The following EBF2 variants were observed in gnomAD, a reference collection of about 807,000 sequenced individuals.
The protein encoded by EBF2 is transcription factor COE2.
In EBF2, 21 loss-of-function variants were observed where a neutral mutation model predicts 72.8. The ratio of observed to expected loss-of-function variants is 0.29; its 90% CI spans 0.20 to 0.42. The LOEUF is 0.42. Among genes scored for constraint, EBF2 ranks in the 10% least tolerant of loss-of-function variants. The pLI is 1.00. For synonymous variants in EBF2, 299 were observed against 274.2 expected, an observed-to-expected ratio of 1.09 and a Z score of -0.89; for missense variants, 637 against 731.2, an observed-to-expected ratio of 0.87 and a Z score of 1.49.
At chr8:25,862,923 C>A in intron 10 of EBF2, 126 bp from the exon 11 acceptor site, 1 of 457,960 alleles carries the variant, frequency 2.2e-6, no homozygotes, top group Non-Finnish European at 3.6e-6. Context: ...AGGGTTTTTG[C>A]TATCGACATT....
At chr8:25,997,700 A>G (rs1218852507) in intron 6 of EBF2, among the ~76,000 whole-genome samples, 1 of 152,198 alleles carries the variant, frequency 6.6e-6, no homozygotes, top group Non-Finnish European at 1.5e-5. Flanking sequence ...ATCATTAACT[A>G]TAGTTTCAGT....
rs549891694 is a variant in EBF2 at position 25,955,153 on chromosome 8, A to G, written c.552-46598T>C. 5.3e-3 allele frequency among the ~76,000 whole-genome samples: 801 copies of G among 152,334 alleles called. 10 individuals carry two copies. The highest frequency in any genetic ancestry group is 0.018 in the African/African-American group (762 of 41,582). On this transcript the variant is annotated intron_variant, in intron 6 of 15. Coordinates refer to ENST00000520164, the MANE Select transcript of EBF2 (RefSeq NM_022659.4). ...GACAAGAGCATACCACTCTAGCGCC[A>G]CACTCCCCGGAGCCTGGCTGGGCCC...
At chr8:26,033,989 G>T (rs1054434182) in intron 5 of EBF2, among the ~76,000 whole-genome samples, 1 of 152,152 alleles carries the variant, frequency 6.6e-6, no homozygotes, top group African/African-American at 2.4e-5. Context: ...TATTAAGATG[G>T]ATAAGGTCAC....
At chr8:25,978,354 T>C (rs879457931) in intron 6 of EBF2, among the ~76,000 whole-genome samples, 8 of 152,212 alleles carry the variant, frequency 5.3e-5, no homozygotes, top group Non-Finnish European at 1.2e-4. Flanking sequence ...TTACGACTGC[T>C]AAATGCCTGC....
At chr8:25,950,326 T>C (rs1803840398) in intron 6 of EBF2, among the ~76,000 whole-genome samples, 1 of 152,222 alleles carries the variant, frequency 6.6e-6, no homozygotes, top group Admixed American at 6.5e-5. Context: ...TTTACACACT[T>C]TTATTAAAAG....
At chr8:25,983,537 T>A (rs6420157) in intron 6 of EBF2, among the ~76,000 whole-genome samples, 63,141 of 152,004 alleles carry the variant, frequency 0.42, 13,510 homozygotes, top group Middle Eastern at 0.51. Context: ...CCTGCCCTCA[T>A]CCCCAGCTGT....
At chr8:25,908,783 G>T (rs1803081402) in intron 6 of EBF2, among the ~76,000 whole-genome samples, 1 of 152,194 alleles carries the variant, frequency 6.6e-6, no homozygotes, top group Non-Finnish European at 1.5e-5. Context: ...GGATTGTTAA[G>T]TGGTTCACAA....
At chr8:26,042,326 C>T in intron 1 of EBF2, 75 bp from the exon 2 acceptor site, 1 of 1,522,680 alleles carries the variant, frequency 6.6e-7, no homozygotes, top group South Asian at 1.2e-5. Context: ...CCGCCCACAA[C>T]ACTGCAGAGG....
intron 6 of EBF2, among the ~76,000 whole-genome samples, chr8:25,991,597 G>A (rs950555772): frequency 5.9e-5 from 9 of 152,192 alleles, no homozygotes; most frequent in African/African-American, 1.7e-4. Flanking sequence ...TGTAACCTCA[G>A]CACTTTGGGA....
Position 26,030,380 on chromosome 8 carries a change from A to T in EBF2, c.551+2705T>A, listed in dbSNP as rs575507616. Among the ~76,000 whole-genome samples the T allele has an allele frequency of 2.4e-4, 36 of 151,942 alleles. 1 individual carries two copies. Among genetic ancestry groups the T allele is most frequent in the South Asian group, 6.2e-4 (3 of 4,802 alleles). On this transcript the variant is annotated intron_variant, in intron 6 of 15. Coordinates refer to ENST00000520164, the MANE Select transcript of EBF2 (RefSeq NM_022659.4). ...CATCCATGTCCCTACAAAGGACATG[A>T]ACTCATCATACAGGAAGGAGAACAT...
intron 6 of EBF2, among the ~76,000 whole-genome samples, chr8:25,935,497 C>T (rs919064010): frequency 2.0e-5 from 3 of 152,162 alleles, no homozygotes; most frequent in African/African-American, 7.2e-5. Flanking sequence ...CAATGAGAAA[C>T]GGCATCTGCT....
At chr8:25,982,995 T>TA (rs1049564863) in intron 6 of EBF2, among the ~76,000 whole-genome samples, 6 of 151,952 alleles carry the variant, frequency 3.9e-5, no homozygotes, top group African/African-American at 1.2e-4. Context: ...AATTCTCTGG[T>TA]AAAAAATAAG....
chr8:25,878,282 A>G (rs1405236327), intron 10 of EBF2, among the ~76,000 whole-genome samples: 2 of 152,184 alleles, frequency 1.3e-5, no homozygotes, highest in Non-Finnish European at 1.5e-5. Context: ...GGCCTATAGC[A>G]GCCTAGGAGC....
At chr8:26,032,841 T>A (rs1805431873) in intron 6 of EBF2, 2 of 523,200 alleles carry the variant, frequency 3.8e-6, no homozygotes, top group African/African-American at 3.8e-5. Context: ...ACATACTACT[T>A]ATTAGGCTGA....
chr8:25,976,018 G>A (rs1353144041), intron 6 of EBF2, among the ~76,000 whole-genome samples: 3 of 152,126 alleles, frequency 2.0e-5, no homozygotes, highest in East Asian at 1.9e-4. Flanking sequence ...AGCCAGAAAC[G>A]TCCACAGAGA....
chr8:26,010,594 G>A (rs1420239469), intron 6 of EBF2, among the ~76,000 whole-genome samples: 2 of 152,198 alleles, frequency 1.3e-5, no homozygotes, highest in East Asian at 1.9e-4. Flanking sequence ...GAGCACAATC[G>A]TGACAGCTGC....
chr8:25,915,251 G>A (rs1172991408), intron 6 of EBF2, among the ~76,000 whole-genome samples: 1 of 151,808 alleles, frequency 6.6e-6, no homozygotes, highest in Non-Finnish European at 1.5e-5. Flanking sequence ...TTAGCAAAAT[G>A]CTGGTCTGTT....
intron 6 of EBF2, among the ~76,000 whole-genome samples, chr8:26,013,776 T>C (rs1393691752): frequency 2.6e-5 from 4 of 152,136 alleles, no homozygotes; most frequent in African/African-American, 7.2e-5. Context: ...CTTGTCGATA[T>C]GAAATCAGAC....
chr8:25,879,772 C>G (rs1802578201), intron 10 of EBF2, among the ~76,000 whole-genome samples: 3 of 152,130 alleles, frequency 2.0e-5, no homozygotes, highest in Non-Finnish European at 4.4e-5. Flanking sequence ...TCATCTGGTC[C>G]TATGGCTTTA....
Sources: allele counts gnomAD v4.1 joint callset (sites outside exome capture counted in the v4.1 genomes callset), GRCh38; gene constraint gnomAD v4.1.1; transcripts MANE v1.5; gene names NCBI Gene and HGNC (gene_info 2026-07-23, HGNC 2026-07-21).